SLC22A15: variants seen among roughly 807,000 people sequenced by gnomAD.
SLC22A15 encodes flipt 1.
In SLC22A15, 45 loss-of-function variants were observed where a neutral mutation model predicts 62.7. That is an observed-to-expected ratio of 0.72 (90% confidence interval 0.56 to 0.92). SLC22A15 has a LOEUF of 0.92. SLC22A15 is among the 40% of genes least tolerant of loss of function. The probability of loss-of-function intolerance (pLI) is 0.00; values close to 1 mark genes in which losing one functional copy is unlikely to be tolerated. For synonymous variants in SLC22A15, 264 were observed against 267.0 expected (o/e 0.99, Z 0.11); for missense variants, 622 against 665.6 (o/e 0.93, Z 0.72).
chr1:115,995,514 G>T (rs1425548893), intron 2 of SLC22A15, among the ~76,000 whole-genome samples: 1 of 152,146 alleles, frequency 6.6e-6, no homozygotes, highest in Non-Finnish European at 1.5e-5. Flanking sequence ...GCCTCCCAAA[G>T]TGCTGGGATT....
At position 116,013,575 on chromosome 1, in the gene SLC22A15, A is replaced by G. The variant is rs1179334165; in HGVS notation, c.301-6007A>G. On this transcript the variant is annotated intron_variant, in intron 2 of 11. Coordinates refer to ENST00000369503, the MANE Select transcript of SLC22A15 (RefSeq NM_018420.3). ...TTCCTCTTTGACATATCTTTGATAT[A>G]CATTGTTTCATTACTCAGATGTTAA... 2.0e-5 allele frequency among the ~76,000 whole-genome samples: 3 copies of G among 152,174 alleles called. No individual in the cohort carries two copies. In the East Asian group the frequency reaches 5.8e-4, roughly 29 times the overall value.
Position 115,976,747 on chromosome 1 carries a change from C to T in SLC22A15, c.87+33C>T, listed in dbSNP as rs760326509. Reference sequence around the variant, plus strand: ...CCCGCGGCCCCGCAGCCGCATTTCCCTCTTCAGGGCCGCCCGGCGCAGGGC... The same window carrying T: ...CCCGCGGCCCCGCAGCCGCATTTCCTTCTTCAGGGCCGCCCGGCGCAGGGC... On this transcript the variant is annotated intron_variant, in intron 1 of 11. Coordinates refer to ENST00000369503, the MANE Select transcript of SLC22A15 (RefSeq NM_018420.3). The T allele has an allele frequency of 1.2e-4, 181 of 1,520,554 alleles. 2 individuals are homozygous for T. In the East Asian group the frequency reaches 3.9e-3, roughly 32 times the overall value. 94.2% of individuals were successfully genotyped at this position (1,520,554 alleles called of 1,614,324 possible).
chr1:116,001,796 A>G (rs1191479662), intron 2 of SLC22A15, among the ~76,000 whole-genome samples: 1 of 152,084 alleles, frequency 6.6e-6, no homozygotes, highest in Non-Finnish European at 1.5e-5. Flanking sequence ...TTCTCTCTGA[A>G]AGGTCACATA....
chr1:116,050,427 G>T (rs929902543), intron 8 of SLC22A15, among the ~76,000 whole-genome samples: 5 of 152,158 alleles, frequency 3.3e-5, no homozygotes, highest in African/African-American at 1.2e-4. Context: ...CAGGGAAGCA[G>T]GGATGGTTTA....
intron 2 of SLC22A15, among the ~76,000 whole-genome samples, chr1:116,002,067 A>T (rs1655765864): frequency 6.6e-6 from 1 of 152,246 alleles, no homozygotes; most frequent in Non-Finnish European, 1.5e-5. Flanking sequence ...TAGCACCTCA[A>T]GCCTAGTAGC....
At chr1:116,009,093 C>G (rs1656122174) in intron 2 of SLC22A15, among the ~76,000 whole-genome samples, 1 of 152,262 alleles carries the variant, frequency 6.6e-6, no homozygotes, top group East Asian at 1.9e-4. Context: ...ATAGTTAAGT[C>G]TCATACTCTC....
chr1:116,008,758 G>A (rs1257809063), intron 2 of SLC22A15, among the ~76,000 whole-genome samples: 1 of 152,202 alleles, frequency 6.6e-6, no homozygotes, highest in Non-Finnish European at 1.5e-5. Context: ...CATGGGCTCA[G>A]AGTAGCTGGG....
chr1:116,021,512 T>C (rs2101335721), intron 4 of SLC22A15, among the ~76,000 whole-genome samples: 1 of 152,356 alleles, frequency 6.6e-6, no homozygotes, highest in African/African-American at 2.4e-5. Flanking sequence ...AGGTTTGCAA[T>C]GATAACTTTT....
chr1:115,984,426 G>A (rs558636623), intron 1 of SLC22A15, among the ~76,000 whole-genome samples: 1 of 152,194 alleles, frequency 6.6e-6, no homozygotes, highest in South Asian at 2.1e-4. Context: ...GGCTAATATA[G>A]CATTCATCAC....
intron 2 of SLC22A15, among the ~76,000 whole-genome samples, chr1:116,001,726 G>A (rs1458507285): frequency 1.3e-5 from 2 of 151,990 alleles, no homozygotes. Context: ...ACAGGATTCT[G>A]AATTCCTTCT....
At chr1:116,063,619 T>G (rs1658430805) in intron 9 of SLC22A15, among the ~76,000 whole-genome samples, 2 of 152,332 alleles carry the variant, frequency 1.3e-5, no homozygotes, top group Middle Eastern at 3.4e-3. Flanking sequence ...TTTAAAATTA[T>G]TTTTCCTAGT....
In SLC22A15 at chr1:116,023,023, C is replaced by T. The variant is rs113831145; in HGVS notation, c.598+2138C>T. Among the ~76,000 whole-genome samples the T allele has an allele frequency of 2.6e-5, 4 of 152,270 alleles. 1 individual carries two copies. The highest frequency in any genetic ancestry group is 7.2e-5 in the African/African-American group (3 of 41,546). On this transcript the variant is annotated intron_variant, in intron 4 of 11. Transcript: ENST00000369503. ...AGAATGATTTTATCTACACCTGTGG[C>T]TTCAAATATGCTTATGAATTGCAAG...
chr1:116,000,780 G>A (rs1347736992), intron 2 of SLC22A15, among the ~76,000 whole-genome samples: 3 of 151,620 alleles, frequency 2.0e-5, no homozygotes, highest in Admixed American at 2.0e-4. Flanking sequence ...GCAGGCACCC[G>A]CCACCATGCC....
Position 116,028,958 on chromosome 1 carries a change from G to A in SLC22A15, c.728+1936G>A, listed in dbSNP as rs188656200. ...TTGTCTTTCTTTTTTGAATTCCACG[G>A]CATTCACCCATACCCTTTGAGTGGC... On this transcript the variant is annotated intron_variant, in intron 5 of 11. Coordinates refer to ENST00000369503, the MANE Select transcript of SLC22A15 (RefSeq NM_018420.3). 2.0e-5 allele frequency among the ~76,000 whole-genome samples: 3 copies of A among 152,078 alleles called. No individual in the cohort carries two copies. In the East Asian group the frequency reaches 5.8e-4, roughly 29 times the overall value.
intron 3 of SLC22A15, 63 bp from the exon 4 acceptor site, chr1:116,020,657 AT>A: frequency 1.5e-6 from 2 of 1,309,798 alleles, no homozygotes; most frequent in South Asian, 1.5e-5. Context: ...AATGAATATA[AT>A]TTATTACTTT....
rs1183705654 is a variant in SLC22A15 at position 115,992,177 on chromosome 1, A to C, written c.234A>C (p.Thr78=). The change falls in exon 2 of 12, where the codon ACA becomes ACC. Residue 78 remains threonine (T), a synonymous_variant. Transcript: ENST00000369503. ...AGGCCTTTGGGGACTGGCTCCTGAC[A>C]GCCAACGGCAGTGAGATCCATAAGC... is the stretch of plus-strand genomic sequence containing the variant. ...EDQAFGDWLL[T]ANGSEIHKHV... The C allele has an allele frequency of 6.2e-7, 1 of 1,611,486 alleles. No homozygotes were observed. The highest frequency in any genetic ancestry group is 1.1e-5 in the South Asian group (1 of 90,542).
Position 116,068,272 on chromosome 1 carries a change from T to C in SLC22A15, c.*1164T>C, listed in dbSNP as rs1288220338. The C allele has an allele frequency of 6.6e-6, 1 of 152,656 alleles. No homozygotes were observed. Among genetic ancestry groups the C allele is most frequent in the African/African-American group, 2.4e-5 (1 of 41,460 alleles). 9.5% of individuals were successfully genotyped at this position (152,656 alleles called of 1,614,324 possible). ...ACTTGAATACTATCTCAAATAGGAA[T>C]ATAAACCTGGAGTCAACAAGCTTAG... is the stretch of plus-strand genomic sequence containing the variant. On this transcript the variant is annotated 3_prime_UTR_variant, in exon 12 of 12. Coordinates refer to ENST00000369503, the MANE Select transcript of SLC22A15 (RefSeq NM_018420.3).
chr1:116,054,535 T>G (rs2101544505), intron 8 of SLC22A15, among the ~76,000 whole-genome samples: 1 of 152,270 alleles, frequency 6.6e-6, no homozygotes, highest in East Asian at 1.9e-4. Context: ...GGAATTGAAC[T>G]CAGCTCTGCA....
At position 116,066,532 on chromosome 1, in the gene SLC22A15, T is replaced by C; in HGVS notation, c.1378T>C (p.Trp460Arg). Residue 460 changes from tryptophan (W) to arginine (R), a missense_variant, in exon 11 of 12, where the codon TGG becomes CGG. Transcript: ENST00000369503. ...PFIPSLKYVQ[W>R]SLPFIVFGAT... ...CCCGCCTCTGCAGAAATATGTGCAA[T>C]GGTCTTTACCATTCATTGTCTTCGG... 5 of 1,600,752 alleles carry C rather than the reference T, an allele frequency of 3.1e-6. No homozygotes were observed. Among genetic ancestry groups the C allele is most frequent in the Non-Finnish European group, 4.3e-6 (5 of 1,173,510 alleles).
Sources: gnomAD v4.1 joint callset for allele counts (sites outside exome capture counted in the v4.1 genomes callset) on GRCh38, gnomAD v4.1.1 for gene constraint, MANE v1.5 for transcripts, NCBI Gene and HGNC (gene_info 2026-07-23, HGNC 2026-07-21) for gene names.